The following GABRG3 variants were observed in gnomAD, a reference collection of about 807,000 sequenced individuals.
GABRG3 encodes gamma-aminobutyric acid type A receptor subunit gamma3.
GABRG3 carries 25 observed loss-of-function variants against 48.8 expected under a neutral mutation model. That is an observed-to-expected ratio of 0.51 (90% CI 0.37 to 0.72). The LOEUF (loss-of-function observed/expected upper bound fraction) is 0.72. GABRG3 is among the 30% of genes least tolerant of loss of function. The pLI, the probability that GABRG3 is intolerant of heterozygous loss-of-function variation, is 0.00. For missense variants in GABRG3, 394 were observed against 577.9 expected, an observed-to-expected ratio of 0.68 and a Z score of 3.26; for synonymous variants, 227 against 217.6, an observed-to-expected ratio of 1.04 and a Z score of -0.38.
chr15:27,420,290 A>T (rs1566832422), intron 5 of GABRG3, among the ~76,000 whole-genome samples: 1 of 152,240 alleles, frequency 6.6e-6, no homozygotes, highest in East Asian at 1.9e-4. Flanking sequence ...AGAAGAAAAT[A>T]TGCTATCAAA....
At chr15:27,271,220 T>G (rs1178543485) in intron 3 of GABRG3, among the ~76,000 whole-genome samples, 2 of 152,002 alleles carry the variant, frequency 1.3e-5, no homozygotes, top group East Asian at 3.9e-4. Flanking sequence ...CACAAGTGAG[T>G]GCTCCCTGCA....
At chr15:27,231,340 G>A (rs1336907218) in intron 3 of GABRG3, among the ~76,000 whole-genome samples, 2 of 152,164 alleles carry the variant, frequency 1.3e-5, no homozygotes, top group Non-Finnish European at 2.9e-5. Flanking sequence ...TGATAACTAA[G>A]TCACAATAAC....
At chr15:27,459,101 C>T (rs1372868922) in intron 5 of GABRG3, among the ~76,000 whole-genome samples, 1 of 152,202 alleles carries the variant, frequency 6.6e-6, no homozygotes, top group Non-Finnish European at 1.5e-5. Flanking sequence ...TGTTTGTGAA[C>T]CTCAAAAGCC....
intron 3 of GABRG3, among the ~76,000 whole-genome samples, chr15:27,044,399 T>TA (rs113638703): frequency 0.43 from 65,068 of 151,480 alleles, 14,599 homozygotes; most frequent in South Asian, 0.56. Flanking sequence ...AGGTATTGAC[T>TA]AAAAGAAAAT....
intron 3 of GABRG3, among the ~76,000 whole-genome samples, chr15:27,086,761 T>G (rs1897084134): frequency 1.3e-5 from 2 of 152,204 alleles, no homozygotes. Context: ...TGAAAATGTT[T>G]TGTTTGTAGC....
intron 3 of GABRG3, among the ~76,000 whole-genome samples, chr15:27,284,178 G>T (rs1019133796): frequency 6.6e-6 from 1 of 152,168 alleles, no homozygotes; most frequent in African/African-American, 2.4e-5. Context: ...TAAAATAAAT[G>T]ACAAACTAAG....
At position 27,470,433 on chromosome 15, in the gene GABRG3, G is replaced by A. The variant is rs189156838; in HGVS notation, c.575-10217G>A. Among the ~76,000 whole-genome samples, 372 of 151,376 alleles carry A rather than the reference G, an allele frequency of 2.5e-3. 3 individuals carry two copies. Among genetic ancestry groups the A allele is most frequent in the African/African-American group, 8.3e-3 (341 of 41,292 alleles). On this transcript the variant is annotated intron_variant, in intron 5 of 9. Transcript: ENST00000615808. ...ATTTTAGTAGAGATGGGGTTTCACC[G>A]TGTTGGCTATGCTGGTCTCGAACTC...
At chr15:27,195,489 G>A (rs1015940989) in intron 3 of GABRG3, among the ~76,000 whole-genome samples, 9 of 151,274 alleles carry the variant, frequency 5.9e-5, no homozygotes, top group Admixed American at 1.3e-4. Flanking sequence ...GCACCACCAC[G>A]CCCAGCTAAT....
At chr15:27,019,755 G>A (rs1328770237) in intron 2 of GABRG3, among the ~76,000 whole-genome samples, 1 of 152,156 alleles carries the variant, frequency 6.6e-6, no homozygotes, top group Admixed American at 6.5e-5. Flanking sequence ...CCCAAAAGCA[G>A]GAAAGATGGA....
At chr15:27,201,956 T>G (rs1888697796) in intron 3 of GABRG3, among the ~76,000 whole-genome samples, 1 of 152,188 alleles carries the variant, frequency 6.6e-6, no homozygotes, top group South Asian at 2.1e-4. Flanking sequence ...TAGACAAGTT[T>G]GTGGTAAGTT....
intron 3 of GABRG3, among the ~76,000 whole-genome samples, chr15:27,086,124 T>G (rs1275513027): frequency 6.6e-6 from 1 of 152,034 alleles, no homozygotes; most frequent in East Asian, 1.9e-4. Context: ...CAGTTTTTTT[T>G]TTTTTTTTTC....
At chr15:27,012,327 CT>C in intron 2 of GABRG3, among the ~76,000 whole-genome samples, 1 of 152,162 alleles carries the variant, frequency 6.6e-6, no homozygotes, top group African/African-American at 2.4e-5. Context: ...TTGGGCTCAT[CT>C]TAAGAATTGT....
At chr15:27,249,198 C>T (rs1869601) in intron 3 of GABRG3, among the ~76,000 whole-genome samples, 1 of 152,166 alleles carries the variant, frequency 6.6e-6, no homozygotes, top group African/African-American at 2.4e-5. Context: ...ACCCAGATAC[C>T]CTGGGAGTGC....
intron 3 of GABRG3, among the ~76,000 whole-genome samples, chr15:27,323,463 A>G (rs1387887989): frequency 6.6e-6 from 1 of 152,210 alleles, no homozygotes; most frequent in Non-Finnish European, 1.5e-5. Context: ...TCAAAGAAAG[A>G]AGGGAGTAAA....
chr15:27,217,299 T>G (rs997173119), intron 3 of GABRG3, among the ~76,000 whole-genome samples: 1 of 152,202 alleles, frequency 6.6e-6, no homozygotes, highest in African/African-American at 2.4e-5. Flanking sequence ...AATTAAGGAA[T>G]TTTTGAGTGT....
At chr15:27,211,250 G>A (rs929659678) in intron 3 of GABRG3, among the ~76,000 whole-genome samples, 2 of 152,136 alleles carry the variant, frequency 1.3e-5, no homozygotes, top group African/African-American at 4.8e-5. Context: ...CACAGAAGCA[G>A]TGCCATGATT....
intron 3 of GABRG3, among the ~76,000 whole-genome samples, chr15:27,282,483 C>T (rs1466398701): frequency 6.6e-6 from 1 of 152,158 alleles, no homozygotes; most frequent in East Asian, 1.9e-4. Context: ...CTCTCGCATC[C>T]ATTCTTCTAT....
chr15:27,512,904 C>T (rs1416989730), intron 6 of GABRG3, among the ~76,000 whole-genome samples: 2 of 152,096 alleles, frequency 1.3e-5, no homozygotes, highest in Non-Finnish European at 2.9e-5. Flanking sequence ...AAATGGGACC[C>T]ATGCAGAGAT....
At chr15:27,026,069 C>T (rs918685340) in intron 2 of GABRG3, among the ~76,000 whole-genome samples, 2 of 152,174 alleles carry the variant, frequency 1.3e-5, no homozygotes, top group Non-Finnish European at 2.9e-5. Flanking sequence ...TGACATACGG[C>T]GTTAGAGAGA....
Sources: gnomAD v4.1 joint callset for allele counts (sites outside exome capture counted in the v4.1 genomes callset) on GRCh38, gnomAD v4.1.1 for gene constraint, MANE v1.5 for transcripts, NCBI Gene and HGNC (gene_info 2026-07-23, HGNC 2026-07-21) for gene names.